ADCY3: variants seen among roughly 807,000 people sequenced by gnomAD.
ADCY3 encodes adenylate cyclase type 3.
Under a neutral mutation model 119.4 loss-of-function variants are expected in ADCY3, and 70 were observed. That is an observed-to-expected ratio of 0.59 (90% CI 0.48 to 0.72). The LOEUF (loss-of-function observed/expected upper bound fraction) is 0.72, where lower values mean the gene tolerates loss of function less well. ADCY3 is among the 30% of genes least tolerant of loss of function. ADCY3 has a pLI of 0.00. For missense variants in ADCY3, 1,238 were observed against 1,541.6 expected (o/e 0.80, Z 3.30); for synonymous variants, 672 against 621.4 (o/e 1.08, Z -1.21).
At chr2:24,844,805 G>A (rs963433669) in intron 3 of ADCY3, among the ~76,000 whole-genome samples, 3 of 152,186 alleles carry the variant, frequency 2.0e-5, no homozygotes, top group African/African-American at 7.2e-5. Flanking sequence ...CAGTAATAGT[G>A]GTTTTGCGCT....
chr2:24,826,167 G>GCCC, intron 15 of ADCY3, 41 bp from the exon 16 acceptor site: 1 of 1,573,236 alleles, frequency 6.4e-7, no homozygotes, highest in Non-Finnish European at 8.7e-7. Flanking sequence ...GCTGTCATCT[G>GCCC]CCTCCTGGAG....
At chr2:24,838,662 G>GAC in intron 7 of ADCY3, 40 bp from the exon 8 acceptor site, 3 of 1,610,416 alleles carry the variant, frequency 1.9e-6, no homozygotes, top group Non-Finnish European at 2.5e-6. Flanking sequence ...TCGGCCAGAG[G>GAC]TGGCCCTCAC....
chr2:24,834,745 C>G lies in ADCY3; in HGVS notation c.1805+49G>C. On this transcript the variant is annotated intron_variant, in intron 10 of 21. Transcript: ENST00000679454. This position sits in a 1 kb window ranked among gnomAD's most constrained non-coding sequence, Gnocchi z 4.2. ...ATGCTCAGTTTCCTGAATCCCTTGT[C>G]AGGGCCCGGGAGGAGTGGTGGGCCT... is the stretch of plus-strand genomic sequence containing the variant. 1 of 1,601,570 alleles carries G rather than the reference C, an allele frequency of 6.2e-7. No individual in the cohort carries two copies. The highest frequency in any genetic ancestry group is 2.2e-5 in the East Asian group (1 of 44,524).
rs1678568541 is a variant in ADCY3, at chr2:24,898,709, A to G, written c.675+19604T>C. On this transcript the variant is annotated intron_variant, in intron 2 of 21. Coordinates refer to ENST00000679454, the MANE Select transcript of ADCY3 (RefSeq NM_004036.5). This position sits in a 1 kb window ranked among gnomAD's most constrained non-coding sequence, Gnocchi z 4.3. ...AGGAAACCGCACAGCTCCCGGCTCC[A>G]GGTCTCTGGGGAGACAACCCTTGCC... is the stretch of plus-strand genomic sequence containing the variant. 6.6e-6 allele frequency among the ~76,000 whole-genome samples: 1 copy of G among 152,184 alleles called. No individual in the cohort carries two copies. The highest frequency in any genetic ancestry group is 1.5e-5 in the Non-Finnish European group (1 of 68,024).
intron 2 of ADCY3, among the ~76,000 whole-genome samples, chr2:24,915,408 T>C (rs747756460): frequency 5.3e-5 from 8 of 152,080 alleles, no homozygotes; most frequent in African/African-American, 9.7e-5. Flanking sequence ...CCCCCGATCC[T>C]TGATGGGGCC....
rs1466332449 is a variant in ADCY3 at position 24,834,355 on chromosome 2, A to G, written c.1967+130T>C. The G allele has an allele frequency of 2.6e-6, 3 of 1,154,058 alleles. No homozygotes were observed. Among genetic ancestry groups the G allele is most frequent in the Middle Eastern group, 3.0e-4 (1 of 3,350 alleles). 71.5% of individuals were successfully genotyped at this position (1,154,058 alleles called of 1,614,324 possible). On this transcript the variant is annotated intron_variant, in intron 11 of 21. Transcript: ENST00000679454. This position sits in a 1 kb window ranked among gnomAD's most constrained non-coding sequence, Gnocchi z 4.2. ...TCCTGGGGCCTGTGGGGGCCGTCCCAGTGGGGGTCAGGGAGCAGAGACTGG... is the reference window on the plus strand; with the variant it reads ...TCCTGGGGCCTGTGGGGGCCGTCCCGGTGGGGGTCAGGGAGCAGAGACTGG...
intron 3 of ADCY3, among the ~76,000 whole-genome samples, chr2:24,868,121 G>A (rs1032706862): frequency 6.6e-6 from 1 of 152,168 alleles, no homozygotes; most frequent in Admixed American, 6.5e-5. Flanking sequence ...CTTGAAATTA[G>A]AGTATGTTCT....
At position 24,842,589 on chromosome 2, in the gene ADCY3, C is replaced by T; in HGVS notation, c.826-205G>A. The T allele has an allele frequency of 1.6e-6, 1 of 609,896 alleles. No individual in the cohort carries two copies. The highest frequency in any genetic ancestry group is 2.8e-6 in the Non-Finnish European group (1 of 356,066). The allele number at this position is 609,896 out of a possible 1,614,324, so 37.8% of individuals were successfully genotyped here. ...CTGGCCCTGACAAGGCTGAGGGTGGCAATGGCCCCTTCAGAGCAACTGAGG... is the reference window on the plus strand; with the variant it reads ...CTGGCCCTGACAAGGCTGAGGGTGGTAATGGCCCCTTCAGAGCAACTGAGG... On this transcript the variant is annotated intron_variant, in intron 3 of 21. Transcript: ENST00000679454. The surrounding 1 kb of genome is among the most constrained non-coding windows in gnomAD (Gnocchi z 4.9).
chr2:24,841,235 C>T lies in ADCY3; in HGVS notation c.1196+24G>A. 6.5e-7 allele frequency: 1 copy of T among 1,539,638 alleles called. No individual in the cohort carries two copies. The highest frequency in any genetic ancestry group is 8.8e-7 in the Non-Finnish European group (1 of 1,140,634). On this transcript the variant is annotated intron_variant, in intron 6 of 21. Coordinates refer to ENST00000679454, the MANE Select transcript of ADCY3 (RefSeq NM_004036.5). This position sits in a 1 kb window ranked among gnomAD's most constrained non-coding sequence, Gnocchi z 5.8. ...GCCGGGGCCCTTGCTCTGGGAGCCT[C>T]CCTCCCAGAGGCATCCCACTTACGA...
At chr2:24,885,606 T>C (rs1197384765) in intron 2 of ADCY3, among the ~76,000 whole-genome samples, 1 of 152,164 alleles carries the variant, frequency 6.6e-6, no homozygotes, top group Admixed American at 6.5e-5. Context: ...TCCTTTTTCC[T>C]CACTCTTGCT....
intron 3 of ADCY3, among the ~76,000 whole-genome samples, chr2:24,847,670 G>A (rs964571818): frequency 1.3e-5 from 2 of 152,222 alleles, no homozygotes; most frequent in Non-Finnish European, 2.9e-5. Context: ...AGTGCTGGGT[G>A]GGACAGGACC....
intron 2 of ADCY3, among the ~76,000 whole-genome samples, chr2:24,894,763 A>G (rs1224570795): frequency 6.6e-6 from 1 of 151,672 alleles, no homozygotes; most frequent in Non-Finnish European, 1.5e-5. Flanking sequence ...TGCCTAAAAA[A>G]CTTGCCTCAA....
At chr2:24,887,806 C>T (rs1015247732) in intron 2 of ADCY3, among the ~76,000 whole-genome samples, 1 of 152,212 alleles carries the variant, frequency 6.6e-6, no homozygotes, top group South Asian at 2.1e-4. Context: ...CAAATAACCA[C>T]AGGCCCATCT....
intron 3 of ADCY3, among the ~76,000 whole-genome samples, chr2:24,847,224 T>C (rs1025026072): frequency 9.2e-5 from 14 of 152,216 alleles, no homozygotes; most frequent in Non-Finnish European, 1.2e-4. Context: ...ATGGGTTTAT[T>C]AGGAGTTTCC....
At chr2:24,855,444 AG>A (rs1467601096) in intron 3 of ADCY3, among the ~76,000 whole-genome samples, 3 of 152,230 alleles carry the variant, frequency 2.0e-5, no homozygotes, top group Non-Finnish European at 2.9e-5. Context: ...AGAGCCGAGC[AG>A]GGGTGGAAGG....
chr2:24,825,727 G>A (rs1278734704), intron 16 of ADCY3: 5 of 345,046 alleles, frequency 1.4e-5, no homozygotes, highest in Non-Finnish European at 2.7e-5. Context: ...GAGTGCGGGG[G>A]CCATGAGCCC....
chr2:24,886,009 T>C (rs999192678), intron 2 of ADCY3, among the ~76,000 whole-genome samples: 3 of 152,234 alleles, frequency 2.0e-5, no homozygotes, highest in African/African-American at 7.2e-5. Context: ...CTTCTCATTT[T>C]ACTTGCTAAT....
chr2:24,871,398 A>G (rs1256359960), intron 3 of ADCY3, among the ~76,000 whole-genome samples: 1 of 152,200 alleles, frequency 6.6e-6, no homozygotes, highest in Non-Finnish European at 1.5e-5. Flanking sequence ...GCCAGGGAAA[A>G]TCCCCTCCTA....
At chr2:24,839,728 G>A in intron 7 of ADCY3, 145 bp downstream of exon 7, 4 of 1,219,782 alleles carry the variant, frequency 3.3e-6, no homozygotes, top group Non-Finnish European at 4.6e-6. Context: ...CCAGGACCAG[G>A]GCGAGACAGG....
Sources: gnomAD v4.1 joint callset for allele counts (sites outside exome capture counted in the v4.1 genomes callset) on GRCh38, gnomAD v4.1.1 for gene constraint, Gnocchi (gnomAD v3.1) non-coding constraint, MANE v1.5 for transcripts, NCBI Gene and HGNC (gene_info 2026-07-23, HGNC 2026-07-21) for gene names.